The following CSMD1 variants were observed in gnomAD, a reference collection of about 807,000 sequenced individuals.
The protein encoded by CSMD1 is CUB and sushi domain-containing protein 1.
In CSMD1, 213 loss-of-function variants were observed where a neutral mutation model predicts 417.5. That is an observed-to-expected ratio of 0.51 (90% CI 0.46 to 0.57). CSMD1 has a LOEUF of 0.57. Ranked by LOEUF, CSMD1 falls within the 20% of genes least tolerant of loss-of-function variation. The probability of loss-of-function intolerance (pLI) is 0.00; values close to 1 mark genes in which losing one functional copy is unlikely to be tolerated. For synonymous variants in CSMD1, 2,862 were observed against 1,736.8 expected (o/e 1.65, Z -16.11); for missense variants, 6,923 against 4,529.7 (o/e 1.53, Z -15.17).
chr8:4,938,423 T>A (rs1184402198), intron 1 of CSMD1, among the ~76,000 whole-genome samples: 1 of 152,170 alleles, frequency 6.6e-6, no homozygotes, highest in Non-Finnish European at 1.5e-5. Context: ...CATCAACAAG[T>A]GGCATATGCA....
intron 63 of CSMD1, among the ~76,000 whole-genome samples, chr8:2,956,304 T>C (rs1803004513): frequency 6.6e-6 from 1 of 152,042 alleles, no homozygotes; most frequent in African/African-American, 2.4e-5. Flanking sequence ...CTTATTTTCT[T>C]TGAAATATAA....
Position 4,331,735 on chromosome 8 carries a change from A to G in CSMD1, c.415+88218T>C, listed in dbSNP as rs74935493. Among the ~76,000 whole-genome samples, 286 of 152,250 alleles carry G rather than the reference A, an allele frequency of 1.9e-3. 4 individuals carry two copies. The East Asian group carries it at 0.051, about 27-fold the overall frequency. On this transcript the variant is annotated intron_variant, in intron 3 of 69. Transcript: ENST00000635120. ...CTAAAGGCTTCACAATGACCTTTCT[A>G]AATATTAACCAGCTTCGGTCCATGT... is the stretch of plus-strand genomic sequence containing the variant.
chr8:3,885,234 T>C (rs1335772188), intron 5 of CSMD1, among the ~76,000 whole-genome samples: 2 of 152,110 alleles, frequency 1.3e-5, no homozygotes, highest in Non-Finnish European at 2.9e-5. Flanking sequence ...TATTTATTAG[T>C]GTTCACAGAA....
chr8:4,574,036 C>T (rs1214486148), intron 2 of CSMD1, among the ~76,000 whole-genome samples: 1 of 152,170 alleles, frequency 6.6e-6, no homozygotes, highest in Non-Finnish European at 1.5e-5. Flanking sequence ...AATTCCCAGC[C>T]AGTGAATCTT....
intron 2 of CSMD1, among the ~76,000 whole-genome samples, chr8:4,569,653 T>C (rs557027910): frequency 6.6e-6 from 1 of 152,136 alleles, no homozygotes; most frequent in Non-Finnish European, 1.5e-5. Flanking sequence ...ACATGACCTT[T>C]AGTTTTTTTC....
At chr8:3,589,592 G>A (rs1274187712) in intron 8 of CSMD1, among the ~76,000 whole-genome samples, 6 of 152,120 alleles carry the variant, frequency 3.9e-5, no homozygotes, top group Admixed American at 3.9e-4. Context: ...ACTCCCAGTA[G>A]CAGAGTGTGG....
chr8:3,836,198 T>A (rs1802689111), intron 5 of CSMD1, among the ~76,000 whole-genome samples: 1 of 152,186 alleles, frequency 6.6e-6, no homozygotes, highest in Non-Finnish European at 1.5e-5. Flanking sequence ...ACTTGTTTAT[T>A]TTGATCATGT....
chr8:3,540,924 G>A (rs183261404), intron 10 of CSMD1, among the ~76,000 whole-genome samples: 1 of 152,232 alleles, frequency 6.6e-6, no homozygotes, highest in Admixed American at 6.5e-5. Context: ...CTTTTACACT[G>A]TTGGTGGGAA....
At chr8:3,680,213 C>T (rs1353236309) in intron 7 of CSMD1, among the ~76,000 whole-genome samples, 1 of 151,762 alleles carries the variant, frequency 6.6e-6, no homozygotes, top group African/African-American at 2.4e-5. Context: ...GATGGAGATA[C>T]AAAAAAACCC....
intron 1 of CSMD1, among the ~76,000 whole-genome samples, chr8:4,866,195 T>G (rs1165213792): frequency 6.6e-6 from 1 of 151,978 alleles, no homozygotes; most frequent in African/African-American, 2.4e-5. Context: ...CCATTTCATT[T>G]AAAATGAAAA....
At chr8:4,803,380 G>C (rs558590080) in intron 1 of CSMD1, among the ~76,000 whole-genome samples, 2 of 152,142 alleles carry the variant, frequency 1.3e-5, no homozygotes, top group African/African-American at 4.8e-5. Context: ...TACCAGTGAT[G>C]TACTCAACAT....
At chr8:4,134,164 T>C (rs1461267616) in intron 3 of CSMD1, among the ~76,000 whole-genome samples, 3 of 152,210 alleles carry the variant, frequency 2.0e-5, no homozygotes, top group Non-Finnish European at 4.4e-5. Context: ...CTCATGTGTA[T>C]GTTTGACTAT....
chr8:4,118,077 G>C (rs757323252), intron 3 of CSMD1, among the ~76,000 whole-genome samples: 12 of 152,034 alleles, frequency 7.9e-5, no homozygotes, highest in Admixed American at 5.2e-4. Flanking sequence ...TCGGCCATAT[G>C]ATTAGACAAA....
At chr8:3,562,663 TG>T (rs1451786728) in intron 10 of CSMD1, among the ~76,000 whole-genome samples, 1 of 152,028 alleles carries the variant, frequency 6.6e-6, no homozygotes, top group African/African-American at 2.4e-5. Context: ...ATTTATCCAC[TG>T]GGAATTTAAA....
chr8:3,681,545 C>G (rs548044090), intron 7 of CSMD1, among the ~76,000 whole-genome samples: 1 of 152,248 alleles, frequency 6.6e-6, no homozygotes, highest in East Asian at 1.9e-4. Context: ...AAAGAGGATA[C>G]AAACAAATGG....
chr8:3,496,484 G>C (rs556728987), intron 10 of CSMD1, among the ~76,000 whole-genome samples: 2 of 152,236 alleles, frequency 1.3e-5, no homozygotes, highest in Admixed American at 6.5e-5. Context: ...CTACTTTTTT[G>C]ATATAGGTGT....
intron 1 of CSMD1, among the ~76,000 whole-genome samples, chr8:4,990,968 T>A (rs1253903260): frequency 3.3e-5 from 5 of 152,170 alleles, no homozygotes; most frequent in African/African-American, 1.2e-4. Flanking sequence ...TTACTTACTT[T>A]AACGAATGTT....
intron 49 of CSMD1, among the ~76,000 whole-genome samples, chr8:3,054,412 G>A (rs994880785): frequency 6.6e-6 from 1 of 152,164 alleles, no homozygotes; most frequent in Non-Finnish European, 1.5e-5. Context: ...GAGTCCAGGA[G>A]TTCTACATTA....
At chr8:4,316,743 A>C (rs143148723) in intron 3 of CSMD1, among the ~76,000 whole-genome samples, 7 of 152,086 alleles carry the variant, frequency 4.6e-5, no homozygotes, top group Non-Finnish European at 1.0e-4. Flanking sequence ...GTTAAATAAG[A>C]AAGTGGTCGA....
Sources: gnomAD v4.1 joint callset for allele counts (sites outside exome capture counted in the v4.1 genomes callset) on GRCh38, gnomAD v4.1.1 for gene constraint, MANE v1.5 for transcripts, NCBI Gene and HGNC (gene_info 2026-07-23, HGNC 2026-07-21) for gene names.